Variants in DMBT1 observed in about 807,000 individuals in gnomAD.
The protein encoded by DMBT1 is scavenger receptor cysteine-rich domain-containing protein DMBT1.
A neutral mutation model predicts 252.9 loss-of-function variants in DMBT1; 198 were observed. That is an observed-to-expected ratio of 0.78 (90% CI 0.70 to 0.88). The LOEUF (loss-of-function observed/expected upper bound fraction) is 0.88. Among genes scored for constraint, DMBT1 ranks in the 40% least tolerant of loss-of-function variants. DMBT1 has a pLI of 0.00. For synonymous variants in DMBT1, 990 were observed against 942.7 expected, an observed-to-expected ratio of 1.05 and a Z score of -0.92; for missense variants, 2,432 against 2,404.7, an observed-to-expected ratio of 1.01 and a Z score of -0.24.
chr10:122,597,812 T>G (rs750853093), intron 24 of DMBT1, among the ~76,000 whole-genome samples, 162 bp from the exon 25 acceptor site: 1 of 152,178 alleles, frequency 6.6e-6, no homozygotes, highest in Admixed American at 6.5e-5. Context: ...TGACCCTTGC[T>G]GAGCTTGCTG....
Position 122,561,907 on chromosome 10 carries a change from C to CTCTG in DMBT1, c.61+1080_61+1083dup, listed in dbSNP as rs1409471146. Among the ~76,000 whole-genome samples the CTCTG allele has an allele frequency of 6.0e-5, 9 of 150,794 alleles. No homozygotes were observed. In the East Asian group the frequency reaches 1.4e-3, roughly 23 times the overall value. On this transcript the variant is annotated intron_variant, in intron 1 of 55. Coordinates refer to ENST00000338354, the MANE Select transcript of DMBT1 (RefSeq NM_001377530.1). The stretch of plus-strand genomic sequence containing the variant: ...CAGCTATTATCACCTTTCTCTCTGT[C>CTCTG]TCTGTCTCTCTTTCTCTTCAACTAT...
In DMBT1 at chr10:122,634,445, TCTCTCTCTCTCTCTC is replaced by T. The variant is rs2098204906; in HGVS notation, c.6548+1105_6548+1119del. Reference sequence around the variant, plus strand: ...TCTCTCTCTCTTCTCTCTCTCTCTCTCTCTCTCTCTCTCTCTCTCTCTCTCTCTCTCTCTCTTTCT... The same window carrying T: ...TCTCTCTCTCTTCTCTCTCTCTCTCTTCTCTCTCTCTCTCTCTCTCTTTCT... On this transcript the variant is annotated intron_variant, in intron 52 of 55. Transcript: ENST00000338354. Among the ~76,000 whole-genome samples, 6 of 65,028 alleles carry T rather than the reference TCTCTCTCTCTCTCTC, an allele frequency of 9.2e-5. 1 individual carries two copies. In the South Asian group the frequency reaches 3.1e-3, roughly 34 times the overall value. 42.7% of individuals were successfully genotyped at this position (65,028 alleles called of 152,430 possible). A position where few individuals can be genotyped will look rare whatever the true frequency, so the allele number is the denominator to read the frequency against.
intron 1 of DMBT1, among the ~76,000 whole-genome samples, chr10:122,564,469 C>G (rs947508293): frequency 2.0e-5 from 3 of 152,034 alleles, no homozygotes; most frequent in African/African-American, 7.3e-5. Flanking sequence ...ATAATTTTGT[C>G]AAATGCCTTA....
intron 6 of DMBT1, among the ~76,000 whole-genome samples, chr10:122,575,524 G>C (rs561452465): frequency 1.3e-5 from 2 of 151,892 alleles, no homozygotes; most frequent in African/African-American, 2.4e-5. Context: ...GGTTTTTTTT[G>C]GGGGGGTGTG....
chr10:122,598,162 C>G, intron 25 of DMBT1, 150 bp downstream of exon 25: 5 of 1,207,780 alleles, frequency 4.1e-6, no homozygotes, highest in Non-Finnish European at 6.0e-6. Flanking sequence ...TCTCTGGGGA[C>G]CCAGCTCTGG....
chr10:122,573,802 C>T, intron 6 of DMBT1, 40 bp downstream of exon 6: 1 of 1,601,512 alleles, frequency 6.2e-7, no homozygotes, highest in Non-Finnish European at 8.6e-7. Context: ...GCTCATTACC[C>T]CCCTGCACCC....
chr10:122,638,301 C>A (rs528501309), intron 54 of DMBT1, among the ~76,000 whole-genome samples: 1 of 151,164 alleles, frequency 6.6e-6, no homozygotes, highest in African/African-American at 2.4e-5. Context: ...CCATTCACAC[C>A]CATTCACACT....
intron 1 of DMBT1, among the ~76,000 whole-genome samples, chr10:122,565,030 A>G (rs1477330079): frequency 1.2e-5 from 1 of 81,854 alleles, no homozygotes; most frequent in Non-Finnish European, 2.8e-5. Flanking sequence ...AAGTGTCTCC[A>G]ATCTTAAAAA....
intron 46 of DMBT1, among the ~76,000 whole-genome samples, chr10:122,627,047 A>G (rs1199142920): frequency 6.6e-6 from 1 of 152,104 alleles, no homozygotes; most frequent in Non-Finnish European, 1.5e-5. Context: ...TGGGTGGGTT[A>G]AGACTCCCAT....
At chr10:122,631,825 A>AC (rs2098167466) in intron 49 of DMBT1, 30 bp from the exon 50 acceptor site, 3 of 1,613,274 alleles carry the variant, frequency 1.9e-6, no homozygotes, top group Non-Finnish European at 2.5e-6. Flanking sequence ...CATGTCTGTG[A>AC]CCTATGCTTT....
At chr10:122,593,642 G>C in intron 21 of DMBT1, 44 bp downstream of exon 21, 1 of 1,564,784 alleles carries the variant, frequency 6.4e-7, no homozygotes, top group South Asian at 1.2e-5. Context: ...TTCTCTTTCT[G>C]CCCAATCACC....
rs532937645 is a variant in DMBT1, at chr10:122,579,944, T to A, written c.1003+43T>A. On this transcript the variant is annotated intron_variant, in intron 10 of 55. Coordinates refer to ENST00000338354, the MANE Select transcript of DMBT1 (RefSeq NM_001377530.1). ...TGGGCTCACTCTCTTGGGGTGGAGT[T>A]TGCTCCAAAAGAAACTCCTAATTAC... The A allele has an allele frequency of 3.0e-5, 49 of 1,612,980 alleles. No individual in the cohort carries two copies. The African/African-American group carries it at 6.3e-4, about 21-fold the overall frequency.
In DMBT1 at chr10:122,577,839, A is replaced by G; in HGVS notation, c.636A>G (p.Pro212=). ...CCCAGCCTCAGTCAACACTCAGGCC[A>G]GGTGAGTCCCCAGAATCCTTCCTCG... ...SAAQPQSTLR[P]ESWPVRISPP... The change falls in exon 8 of 56, where the codon CCA becomes CCG. Residue 212 remains proline, a splice_region_variant and synonymous_variant. Coordinates refer to ENST00000338354, the MANE Select transcript of DMBT1 (RefSeq NM_001377530.1). 1.2e-6 allele frequency: 2 copies of G among 1,613,754 alleles called. No individual in the cohort carries two copies. Among genetic ancestry groups the G allele is most frequent in the South Asian group, 2.2e-5 (2 of 91,012 alleles).
In DMBT1 at chr10:122,638,935, G is replaced by T. The variant is rs537431829; in HGVS notation, c.6943-1105G>T. On this transcript the variant is annotated intron_variant, in intron 54 of 55. Transcript: ENST00000338354. ...GCTATATAACTTTTAAAATTCTCAG[G>T]ACAACTTTATTCCCACTTAATTATG... 4.6e-5 allele frequency among the ~76,000 whole-genome samples: 7 copies of T among 152,262 alleles called. No individual in the cohort carries two copies. In the South Asian group the frequency reaches 1.2e-3, roughly 27 times the overall value.
At chr10:122,619,379 C>T in intron 42 of DMBT1, 42 bp downstream of exon 42, 1 of 1,613,452 alleles carries the variant, frequency 6.2e-7, no homozygotes, top group Non-Finnish European at 8.5e-7. Flanking sequence ...CCTTCTCTTT[C>T]TGCCCAGTTA....
At position 122,637,268 on chromosome 10, in the gene DMBT1, G is replaced by A. The variant is rs763076234; in HGVS notation, c.6898G>A (p.Val2300Met). 8 of 1,613,702 alleles carry A rather than the reference G, an allele frequency of 5.0e-6. No individual in the cohort carries two copies. The African/African-American group carries it at 8.0e-5, about 16-fold the overall frequency. Reference sequence around the variant, plus strand: ...TCGGCCCCAGATAACGCCGAACCTGGTGATATTCACAATTCCCTACTCAGG... The same window carrying A: ...TCGGCCCCAGATAACGCCGAACCTGATGATATTCACAATTCCCTACTCAGG... ...ECRPQITPNL[V>M]IFTIPYSGCG... Residue 2300 changes from valine to methionine, a missense_variant, in exon 54 of 56, where the codon GTG (valine) becomes ATG (methionine). Physicochemically the swap from Val to Met is conservative, Grantham distance 21 (BLOSUM62 1). Coordinates refer to ENST00000338354, the MANE Select transcript of DMBT1 (RefSeq NM_001377530.1).
Position 122,599,188 on chromosome 10 carries a change from C to G in DMBT1, c.3280+91C>G. On this transcript the variant is annotated intron_variant, in intron 26 of 55. Transcript: ENST00000338354. ...TACATTCTGATCTCCTCACTCAAAG[C>G]TTCTTCTATGTTTTCTATATTTCTG... 3.1e-6 allele frequency: 5 copies of G among 1,594,144 alleles called. 1 individual carries two copies. In the South Asian group the frequency reaches 5.7e-5, roughly 18 times the overall value.
intron 15 of DMBT1, among the ~76,000 whole-genome samples, chr10:122,585,715 C>T (rs1430570665): frequency 6.7e-6 from 1 of 148,592 alleles, no homozygotes; most frequent in East Asian, 2.1e-4. Flanking sequence ...AGAAGCCAGA[C>T]AGGACCATAG....
chr10:122,628,490 G>C (rs1434862531), intron 46 of DMBT1, among the ~76,000 whole-genome samples: 1 of 152,078 alleles, frequency 6.6e-6, no homozygotes, highest in African/African-American at 2.4e-5. Flanking sequence ...ACAAAAATTA[G>C]CTGGGCATAG....
Sources: gnomAD v4.1 joint callset for allele counts (sites outside exome capture counted in the v4.1 genomes callset) on GRCh38, gnomAD v4.1.1 for gene constraint, MANE v1.5 for transcripts, NCBI Gene and HGNC (gene_info 2026-07-23, HGNC 2026-07-21) for gene names.